Variants in ZNF728 observed in about 807,000 individuals in gnomAD.
The protein encoded by ZNF728 is zinc finger protein 728.
In ZNF728, 12 loss-of-function variants were observed where a neutral mutation model predicts 12.5. That is an observed-to-expected ratio of 0.96 (90% CI 0.61 to 1.55). The LOEUF (loss-of-function observed/expected upper bound fraction) is 1.55. Ranked by LOEUF, ZNF728 falls within the 40% of genes most tolerant of loss-of-function variation. The pLI is 0.00. For missense variants in ZNF728, 692 were observed against 719.2 expected (o/e 0.96, Z 0.43); for synonymous variants, 205 against 240.7 (o/e 0.85, Z 1.37).
intron 1 of ZNF728, among the ~76,000 whole-genome samples, chr19:22,998,186 C>T (rs289288): frequency 0.3 from 45,439 of 150,962 alleles, 8,652 homozygotes; most frequent in African/African-American, 0.56. Flanking sequence ...AGCAAAGACA[C>T]GGAATCAACC....
rs770368707 is a variant in ZNF728, at chr19:22,976,094, T to G, written c.1243A>C (p.Lys415Gln). The change falls in exon 4 of 4, where the codon AAG (lysine) becomes CAG (glutamine). Residue 415 changes from lysine (K) to glutamine (Q), a missense_variant. Lys to Gln is a moderately conservative substitution (Grantham distance 53, BLOSUM62 1). This residue lies in a region of ZNF728 where 8 missense variants were observed against 24.4 expected (regional missense o/e 0.33). Coordinates refer to ENST00000594710, the MANE Select transcript of ZNF728 (RefSeq NM_001267716.2). ...FKWSSTLTKH[K>Q]IIHTGEKPYK... ...GGTTTCTCTCCAGTATGAATTATCT[T>G]ATGTTTAGTAAGTGTTGAGGACCAC... The G allele has an allele frequency of 1.1e-5, 17 of 1,612,846 alleles. No individual in the cohort carries two copies. In the Admixed American group the frequency reaches 2.3e-4, roughly 22 times the overall value.
intron 3 of ZNF728, chr19:22,985,761 G>A (rs1968909921): frequency 6.6e-6 from 1 of 152,406 alleles, no homozygotes; most frequent in Non-Finnish European, 1.5e-5. Flanking sequence ...CAGGCCTGCA[G>A]ACCTTGGTCC....
At chr19:22,987,544 A>G (rs1968930950) in intron 2 of ZNF728, 141 bp from the exon 3 acceptor site, 1 of 854,434 alleles carries the variant, frequency 1.2e-6, no homozygotes, top group Non-Finnish European at 1.6e-6. Context: ...AAATTTCTAA[A>G]TATTTAGAAA....
intron 2 of ZNF728, 52 bp from the exon 3 acceptor site, chr19:22,987,455 C>T: frequency 6.6e-7 from 1 of 1,521,172 alleles, no homozygotes; most frequent in South Asian, 1.3e-5. Flanking sequence ...CTCCAATTAA[C>T]AACTTAGTAA....
intron 1 of ZNF728, among the ~76,000 whole-genome samples, chr19:22,992,279 G>A (rs1297884285): frequency 1.3e-5 from 2 of 151,932 alleles, no homozygotes; most frequent in African/African-American, 4.8e-5. Context: ...GTCTCACTTT[G>A]TTGCCCAGGC....
intron 3 of ZNF728, among the ~76,000 whole-genome samples, chr19:22,978,405 A>C (rs1968827899): frequency 6.6e-6 from 1 of 152,340 alleles, no homozygotes; most frequent in South Asian, 2.1e-4. Flanking sequence ...CACAAAAAGT[A>C]TATCGGCACT....
Position 22,976,436 on chromosome 19 carries a change from C to A in ZNF728, c.901G>T (p.Ala301Ser). 1 of 1,609,882 alleles carries A rather than the reference C, an allele frequency of 6.2e-7. No individual in the cohort carries two copies. The stretch of plus-strand genomic sequence containing the variant: ...TCTCCAGCATGAATTGTCTTATGTG[C>A]AGTAAGGGTTGAGGCCTTACTAAAG... ...KAFSKASTLT[A>S]HKTIHAGEKP... Residue 301 changes from alanine to serine, a missense_variant, in exon 4 of 4, where the codon GCA (alanine) becomes TCA (serine). By Grantham distance (99) the Ala-to-Ser change is moderately conservative. Coordinates refer to ENST00000594710, the MANE Select transcript of ZNF728 (RefSeq NM_001267716.2).
chr19:22,984,863 C>T (rs1477308940), intron 3 of ZNF728, among the ~76,000 whole-genome samples: 1 of 151,888 alleles, frequency 6.6e-6, no homozygotes, highest in Non-Finnish European at 1.5e-5. Context: ...AGCAATATTG[C>T]AGGCATTAAA....
intron 1 of ZNF728, among the ~76,000 whole-genome samples, chr19:22,999,980 C>T (rs1392946071): frequency 4.6e-5 from 7 of 152,172 alleles, no homozygotes; most frequent in South Asian, 2.1e-4. Flanking sequence ...TCTCTACAGC[C>T]GAAATGGAAG....
intron 1 of ZNF728, among the ~76,000 whole-genome samples, chr19:23,002,293 C>T (rs972678176): frequency 6.6e-6 from 1 of 152,164 alleles, no homozygotes; most frequent in African/African-American, 2.4e-5. Context: ...CCAGCCAGGG[C>T]GACAGAGTGA....
rs183708473 is a variant in ZNF728, at chr19:22,996,785, T to A, written c.3+6243A>T. Among the ~76,000 whole-genome samples the A allele has an allele frequency of 8.4e-3, 1,275 of 152,224 alleles. 14 individuals are homozygous for A. Among genetic ancestry groups the A allele is most frequent in the African/African-American group, 0.022 (911 of 41,538 alleles). ...TATACATATAATCTAAACTTTTTTT[T>A]AAAAAATTAACAAGTTATCCTCCCT... On this transcript the variant is annotated intron_variant, in intron 1 of 3. Coordinates refer to ENST00000594710, the MANE Select transcript of ZNF728 (RefSeq NM_001267716.2).
chr19:22,976,370 G>A lies in ZNF728; in HGVS notation c.967C>T (p.Arg323Trp), dbSNP rs188088905. 112 of 1,585,690 alleles carry A rather than the reference G, an allele frequency of 7.1e-5. No homozygotes were observed. Among genetic ancestry groups the A allele is most frequent in the East Asian group, 2.3e-4 (10 of 43,522 alleles). The change falls in exon 4 of 4, where the codon CGG becomes TGG. Residue 323 changes from arginine (R) to tryptophan (W), a missense_variant. By Grantham distance (101) the Arg-to-Trp change is moderately radical. Coordinates refer to ENST00000594710, the MANE Select transcript of ZNF728 (RefSeq NM_001267716.2). ...TTATGTTCCATAAGGTTTGAGGACCGGTTGAAAGCTTTGCCACATTCTTCA... is the reference window on the plus strand; with the variant it reads ...TTATGTTCCATAAGGTTTGAGGACCAGTTGAAAGCTTTGCCACATTCTTCA... ...KCEECGKAFN[R>W]SSNLMEHKRI...
chr19:22,978,786 A>G (rs1049405310), intron 3 of ZNF728, among the ~76,000 whole-genome samples: 3 of 152,170 alleles, frequency 2.0e-5, no homozygotes, highest in African/African-American at 4.8e-5. Context: ...TAAAAGAAAA[A>G]CTAACAAACA....
chr19:22,975,903 T>A lies in ZNF728; in HGVS notation c.1434A>T (p.Lys478Asn). Residue 478 changes from lysine (K) to asparagine (N), a missense_variant, in exon 4 of 4, where the codon AAA becomes AAT. Lys to Asn is a moderately conservative substitution (Grantham distance 94). This residue lies in a region of ZNF728 where 244 missense variants were observed against 235.2 expected (regional missense o/e 1.04). Coordinates refer to ENST00000594710, the MANE Select transcript of ZNF728 (RefSeq NM_001267716.2). ...TGCCACATTCTTCACATTTGTAGAGTTTCTCTCCAGCATGAATTGCCTTAT... is the reference window on the plus strand; with the variant it reads ...TGCCACATTCTTCACATTTGTAGAGATTCTCTCCAGCATGAATTGCCTTAT... The part of the protein sequence containing the change: ...TTHKAIHAGE[K>N]LYKCEECGKA... 6.2e-7 allele frequency: 1 copy of A among 1,606,024 alleles called. No individual in the cohort carries two copies. The highest frequency in any genetic ancestry group is 1.7e-5 in the Admixed American group (1 of 59,840).
At chr19:22,988,669 T>C (rs999086364) in intron 1 of ZNF728, among the ~76,000 whole-genome samples, 4 of 152,220 alleles carry the variant, frequency 2.6e-5, no homozygotes, top group South Asian at 2.1e-4. Context: ...CATCAGTGTA[T>C]GTATAGTATT....
At chr19:22,978,346 T>C (rs1294942633) in intron 3 of ZNF728, among the ~76,000 whole-genome samples, 1 of 148,322 alleles carries the variant, frequency 6.7e-6, no homozygotes, top group Non-Finnish European at 1.5e-5. Flanking sequence ...TAATACCAAA[T>C]CAGCAAATCT....
chr19:22,995,291 A>C (rs1969037530), intron 1 of ZNF728: 1 of 152,216 alleles, frequency 6.6e-6, no homozygotes, highest in South Asian at 2.1e-4. Context: ...GTGTCTTAAG[A>C]AAAAACTGAG....
chr19:22,976,247 C>T lies in ZNF728; in HGVS notation c.1090G>A (p.Gly364Arg). The T allele has an allele frequency of 5.0e-6, 8 of 1,613,310 alleles. No individual in the cohort carries two copies. The highest frequency in any genetic ancestry group is 5.9e-6 in the Non-Finnish European group (7 of 1,179,792). The change falls in exon 4 of 4, where the codon GGA becomes AGA. Residue 364 changes from glycine to arginine, a missense_variant. This residue lies in a region of ZNF728 where 440 missense variants were observed against 459.6 expected (regional missense o/e 0.96). Transcript: ENST00000594710. The part of the protein sequence containing the change: ...TLTKHKVIHT[G>R]EKPYKCEECG... Reference sequence around the variant, plus strand: ...TCTTCACATTTGTAGGGTTTCTCTCCAGTATGAATTACCTTATGTTTAGTA... The same window carrying T: ...TCTTCACATTTGTAGGGTTTCTCTCTAGTATGAATTACCTTATGTTTAGTA...
intron 3 of ZNF728, among the ~76,000 whole-genome samples, chr19:22,978,467 T>C (rs930483211): frequency 4.6e-5 from 7 of 152,038 alleles, no homozygotes; most frequent in African/African-American, 1.4e-4. Context: ...CCACTGAAAA[T>C]AACGTAACAT....
Sources: gnomAD v4.1 joint callset for allele counts (sites outside exome capture counted in the v4.1 genomes callset) on GRCh38, gnomAD v4.1.1 for gene constraint, gnomAD v4.1.1 regional missense constraint, MANE v1.5 for transcripts, NCBI Gene and HGNC (gene_info 2026-07-23, HGNC 2026-07-21) for gene names.